CHL1: variants seen among roughly 807,000 people sequenced by gnomAD.
CHL1 encodes the protein neural cell adhesion molecule L1-like protein.
Under a neutral mutation model 141.9 loss-of-function variants are expected in CHL1, and 96 were observed. The ratio of observed to expected loss-of-function variants is 0.68; its 90% CI spans 0.57 to 0.80. The LOEUF is 0.80. Ranked by LOEUF, CHL1 falls within the 30% of genes least tolerant of loss-of-function variation. The probability of loss-of-function intolerance (pLI) is 0.00; values close to 1 mark genes in which losing one functional copy is unlikely to be tolerated. For missense variants in CHL1, 1,820 were observed against 1,457.2 expected, an observed-to-expected ratio of 1.25 and a Z score of -4.05; for synonymous variants, 613 against 502.2, an observed-to-expected ratio of 1.22 and a Z score of -2.95.
intron 2 of CHL1, among the ~76,000 whole-genome samples, chr3:274,418 C>G (rs1449256645): frequency 6.6e-6 from 1 of 152,170 alleles, no homozygotes; most frequent in Non-Finnish European, 1.5e-5. Context: ...AAAAAAAGAA[C>G]ATTCCAAATT....
intron 26 of CHL1, among the ~76,000 whole-genome samples, chr3:400,562 G>T (rs6794418): frequency 0.97 from 143,981 of 147,952 alleles, 70,170 homozygotes; most frequent in East Asian, 1. Flanking sequence ...AAATGTTCCA[G>T]GAAGAACAAT....
At chr3:378,481 C>G (rs1432720332) in intron 16 of CHL1, among the ~76,000 whole-genome samples, 1 of 152,170 alleles carries the variant, frequency 6.6e-6, no homozygotes, top group Non-Finnish European at 1.5e-5. Context: ...AGTGTGCACA[C>G]TTCACTAGTA....
Position 354,753 on chromosome 3 carries a change from A to G in CHL1, c.1147A>G (p.Asn383Asp). The G allele has an allele frequency of 6.2e-7, 1 of 1,613,690 alleles. No individual in the cohort carries two copies. The highest frequency in any genetic ancestry group is 2.2e-5 in the East Asian group (1 of 44,866). ...EPQPTIKWRV[N>D]GSPVDNHPFA... The stretch of plus-strand genomic sequence containing the variant: ...TCAACCCACAATCAAGTGGAGAGTC[A>G]ATGGCTCCCCAGTTGACAGTAAGTT... Residue 383 changes from asparagine to aspartate, a missense_variant, in exon 11 of 28, where the codon AAT (asparagine) becomes GAT (aspartate). Coordinates refer to ENST00000256509, the MANE Select transcript of CHL1 (RefSeq NM_006614.4).
In CHL1 at chr3:354,760, C is replaced by T; in HGVS notation, c.1154C>T (p.Ser385Phe). ...QPTIKWRVNG[S>F]PVDNHPFAGD... Reference sequence around the variant, plus strand: ...ACAATCAAGTGGAGAGTCAATGGCTCCCCAGTTGACAGTAAGTTTAAAAAC... The same window carrying T: ...ACAATCAAGTGGAGAGTCAATGGCTTCCCAGTTGACAGTAAGTTTAAAAAC... Residue 385 changes from serine to phenylalanine, a missense_variant, in exon 11 of 28, where the codon TCC (serine) becomes TTC (phenylalanine). Physicochemically the swap from Ser to Phe is radical, Grantham distance 155. Coordinates refer to ENST00000256509, the MANE Select transcript of CHL1 (RefSeq NM_006614.4). 8 of 1,613,150 alleles carry T rather than the reference C, an allele frequency of 5.0e-6. No homozygotes were observed. Among genetic ancestry groups the T allele is most frequent in the Non-Finnish European group, 6.8e-6 (8 of 1,179,610 alleles).
intron 24 of CHL1, among the ~76,000 whole-genome samples, chr3:397,792 T>A (rs1708797342): frequency 6.6e-6 from 1 of 152,134 alleles, no homozygotes; most frequent in African/African-American, 2.4e-5. Context: ...TGCTATTTCA[T>A]CAGTGTTTAT....
At chr3:222,426 C>T (rs1700928003) in intron 1 of CHL1, among the ~76,000 whole-genome samples, 1 of 152,174 alleles carries the variant, frequency 6.6e-6, no homozygotes, top group Non-Finnish European at 1.5e-5. Flanking sequence ...TTTATTTACC[C>T]ATATGCATGT....
intron 1 of CHL1, among the ~76,000 whole-genome samples, chr3:222,621 G>T (rs972889717): frequency 3.3e-5 from 5 of 152,160 alleles, no homozygotes; most frequent in Admixed American, 1.3e-4. Context: ...TGATTTGGAA[G>T]TTGAATGAAC....
intron 2 of CHL1, among the ~76,000 whole-genome samples, chr3:301,472 C>T (rs367995543): frequency 6.6e-6 from 1 of 152,158 alleles, no homozygotes; most frequent in Non-Finnish European, 1.5e-5. Flanking sequence ...CTTGTTAGAG[C>T]CAGCAGCTAT....
intron 5 of CHL1, among the ~76,000 whole-genome samples, chr3:329,302 G>A (rs1277385143): frequency 3.3e-5 from 5 of 152,008 alleles, no homozygotes; most frequent in Non-Finnish European, 1.5e-5. Context: ...TTCAAAGAAA[G>A]TCCTAGGACT....
intron 1 of CHL1, among the ~76,000 whole-genome samples, chr3:233,175 T>C (rs1246091695): frequency 6.6e-6 from 1 of 152,204 alleles, no homozygotes; most frequent in Non-Finnish European, 1.5e-5. Flanking sequence ...AGATAAAGTT[T>C]AATTATCTGA....
At chr3:206,200 G>A (rs1450123039) in intron 1 of CHL1, among the ~76,000 whole-genome samples, 2 of 152,214 alleles carry the variant, frequency 1.3e-5, no homozygotes, top group Non-Finnish European at 2.9e-5. Flanking sequence ...AGAGGTGGTG[G>A]TGCAAGCCTG....
At chr3:230,934 G>C (rs146981999) in intron 1 of CHL1, among the ~76,000 whole-genome samples, 1 of 152,082 alleles carries the variant, frequency 6.6e-6, no homozygotes, top group African/African-American at 2.4e-5. Flanking sequence ...TGCTCATGAA[G>C]GCACGTGCAT....
In CHL1 at chr3:326,032, T is replaced by A. The variant is rs367744002; in HGVS notation, c.165T>A (p.Ile55=). ...VAFPFDEYFQ[I]ECEAKGNPEP... ...TTCCCTTCGATGAGTATTTTCAAAT[T>A]GAATGTGAAGCTAAAGGAAATCCAG... The change falls in exon 4 of 28, where the codon ATT becomes ATA. Residue 55 remains isoleucine (I), a synonymous_variant. Coordinates refer to ENST00000256509, the MANE Select transcript of CHL1 (RefSeq NM_006614.4). 4.3e-6 allele frequency: 7 copies of A among 1,611,422 alleles called. No individual in the cohort carries two copies. The African/African-American group carries it at 8.0e-5, about 18-fold the overall frequency.
At chr3:316,612 C>G (rs919531701) in intron 2 of CHL1, among the ~76,000 whole-genome samples, 2 of 151,844 alleles carry the variant, frequency 1.3e-5, no homozygotes, top group East Asian at 3.9e-4. Context: ...CTTCATGTGA[C>G]TTAACTTCAA....
intron 1 of CHL1, among the ~76,000 whole-genome samples, chr3:236,170 A>ATT (rs1691961868): frequency 6.6e-6 from 1 of 152,172 alleles, no homozygotes; most frequent in Non-Finnish European, 1.5e-5. Context: ...TGAATTGGCT[A>ATT]TAGCTGGTTT....
At chr3:356,695 G>A (rs930639209) in intron 11 of CHL1, among the ~76,000 whole-genome samples, 5 of 152,162 alleles carry the variant, frequency 3.3e-5, no homozygotes, top group Non-Finnish European at 5.9e-5. Flanking sequence ...AAATAGCAGG[G>A]AAAGTGCTGT....
intron 6 of CHL1, among the ~76,000 whole-genome samples, 167 bp downstream of exon 6, chr3:341,083 ACTTCC>A (rs1484304723): frequency 5.3e-5 from 8 of 152,226 alleles, no homozygotes; most frequent in Non-Finnish European, 1.2e-4. Flanking sequence ...TGAAGACAAT[ACTTCC>A]TATATTTCAA....
At chr3:280,146 A>G (rs1312779921) in intron 2 of CHL1, among the ~76,000 whole-genome samples, 1 of 152,170 alleles carries the variant, frequency 6.6e-6, no homozygotes, top group Non-Finnish European at 1.5e-5. Flanking sequence ...ATCTTTGCTA[A>G]GTCGGGATAA....
At position 339,212 on chromosome 3, in the gene CHL1, G is replaced by A. The variant is rs537386992; in HGVS notation, c.386-1582G>A. ...AATAAGTGGTTCAATTTGGAGATTT[G>A]GGTACATAAACGTTTTGTATATTAC... On this transcript the variant is annotated intron_variant, in intron 5 of 27. Transcript: ENST00000256509. 2.0e-5 allele frequency among the ~76,000 whole-genome samples: 3 copies of A among 152,112 alleles called. No individual in the cohort carries two copies. In the East Asian group the frequency reaches 5.8e-4, roughly 29 times the overall value.
Sources: allele counts gnomAD v4.1 joint callset (sites outside exome capture counted in the v4.1 genomes callset), GRCh38; gene constraint gnomAD v4.1.1; transcripts MANE v1.5; gene names NCBI Gene and HGNC (gene_info 2026-07-23, HGNC 2026-07-21).